MTUS1: variants seen among roughly 807,000 people sequenced by gnomAD.
The protein encoded by MTUS1 is microtubule associated scaffold protein 1.
MTUS1 carries 109 observed loss-of-function variants against 120.8 expected under a neutral mutation model. That is an observed-to-expected ratio of 0.90 (90% CI 0.77 to 1.06). MTUS1 has a LOEUF of 1.06. MTUS1 is among the 50% of genes least tolerant of loss of function. The pLI is 0.00. For synonymous variants in MTUS1, 737 were observed against 550.5 expected (o/e 1.34, Z -4.74); for missense variants, 2,210 against 1,486.3 (o/e 1.49, Z -8.01).
At chr8:17,689,943 A>T (rs1376428513) in intron 6 of MTUS1, among the ~76,000 whole-genome samples, 1 of 152,008 alleles carries the variant, frequency 6.6e-6, no homozygotes. Flanking sequence ...GAACTAGAAA[A>T]AACTCTTCAC....
chr8:17,676,457 C>T (rs748168021), intron 7 of MTUS1: 13 of 635,034 alleles, frequency 2.0e-5, no homozygotes, highest in African/African-American at 9.1e-5. Flanking sequence ...CATTGGCCCT[C>T]GGGCGTCTTA....
chr8:17,728,132 C>T (rs1292151254), intron 3 of MTUS1, among the ~76,000 whole-genome samples: 1 of 152,110 alleles, frequency 6.6e-6, no homozygotes, highest in Admixed American at 6.5e-5. Flanking sequence ...ATGGCGCTTG[C>T]CAGGGGCTGG....
chr8:17,741,557 A>G lies in MTUS1; in HGVS notation c.2287+2047T>C, dbSNP rs566627145. On this transcript the variant is annotated intron_variant, in intron 3 of 14. Coordinates refer to ENST00000693296, the MANE Select transcript of MTUS1 (RefSeq NM_001363059.2). The stretch of plus-strand genomic sequence containing the variant: ...GCTCAAAAGCATGCCCTGTCTTTTC[A>G]CTAAGACTAAACAGATCCACTTTTC... 6.1e-4 allele frequency among the ~76,000 whole-genome samples: 93 copies of G among 152,318 alleles called. 1 individual carries two copies. In the Middle Eastern group the frequency reaches 0.017, roughly 28 times the overall value.
intron 3 of MTUS1, among the ~76,000 whole-genome samples, chr8:17,742,394 C>T (rs1329273476): frequency 6.7e-6 from 1 of 150,136 alleles, no homozygotes; most frequent in Non-Finnish European, 1.5e-5. Flanking sequence ...GGATTTCAGG[C>T]ATAAACCACC....
At chr8:17,669,852 C>CA (rs56711683) in intron 8 of MTUS1, among the ~76,000 whole-genome samples, 72,715 of 151,560 alleles carry the variant, frequency 0.48, 19,909 homozygotes, top group Middle Eastern at 0.69. Context: ...TTCTAAAAAA[C>CA]AAAAAAAACA....
At chr8:17,692,168 T>C (rs898058765) in intron 6 of MTUS1, 1 of 152,204 alleles carries the variant, frequency 6.6e-6, no homozygotes, top group African/African-American at 2.4e-5. Context: ...GTGGCAGATA[T>C]TCCAATAGAG....
At chr8:17,720,409 G>A (rs1007804846) in intron 4 of MTUS1, among the ~76,000 whole-genome samples, 1 of 151,664 alleles carries the variant, frequency 6.6e-6, no homozygotes, top group African/African-American at 2.4e-5. Flanking sequence ...GCCCTTTTCT[G>A]CATGTTACAC....
Position 17,754,480 on chromosome 8 carries a change from G to A in MTUS1, c.1328C>T (p.Ser443Leu). ...ACATTTCTCCGTCGCTTCAATCGGT[G>A]AAACAGAAAAGGTTACTTTTGTGGG... ...LEPTKVTFSVSPIEATEKCKK... is the reference protein window; with the variant it reads ...LEPTKVTFSVLPIEATEKCKK... The change falls in exon 2 of 15, where the codon TCA becomes TTA. Residue 443 changes from serine (S) to leucine (L), a missense_variant. Transcript: ENST00000693296. 2 of 1,614,210 alleles carry A rather than the reference G, an allele frequency of 1.2e-6. No individual in the cohort carries two copies. The highest frequency in any genetic ancestry group is 1.1e-5 in the South Asian group (1 of 91,078).
Position 17,700,467 on chromosome 8 carries a change from CAA to C in MTUS1, c.2623+12745_2623+12746del, listed in dbSNP as rs565414052. Among the ~76,000 whole-genome samples the C allele has an allele frequency of 1.5e-4, 11 of 73,478 alleles. 1 individual carries two copies. Among genetic ancestry groups the C allele is most frequent in the African/African-American group, 5.8e-4 (11 of 18,980 alleles). The allele number at this position is 73,478 out of a possible 152,430, so 48.2% of individuals were successfully genotyped here. On this transcript the variant is annotated intron_variant, in intron 6 of 14. Coordinates refer to ENST00000693296, the MANE Select transcript of MTUS1 (RefSeq NM_001363059.2). ...CCTGGGCAATAAGAGCAAAACTCCT[CAA>C]AAAAAAAAAAAAGATGAGTCTTTAT...
intron 6 of MTUS1, among the ~76,000 whole-genome samples, chr8:17,687,060 T>C (rs1159084681): frequency 6.6e-6 from 1 of 152,228 alleles, no homozygotes; most frequent in Non-Finnish European, 1.5e-5. Flanking sequence ...ACGCAGGGTT[T>C]GTAAGTGATT....
chr8:17,687,261 G>A (rs1217080776), intron 6 of MTUS1, among the ~76,000 whole-genome samples: 2 of 152,132 alleles, frequency 1.3e-5, no homozygotes, highest in East Asian at 1.9e-4. Context: ...AAGTGTGACC[G>A]CATGGCAGCC....
intron 1 of MTUS1, among the ~76,000 whole-genome samples, chr8:17,790,581 A>C (rs1266319354): frequency 6.6e-6 from 1 of 152,232 alleles, no homozygotes; most frequent in Non-Finnish European, 1.5e-5. Flanking sequence ...TTGTGCTACT[A>C]ATCTGAATGG....
intron 8 of MTUS1, among the ~76,000 whole-genome samples, chr8:17,666,882 C>A (rs756708617): frequency 6.6e-6 from 1 of 152,140 alleles, no homozygotes; most frequent in South Asian, 2.1e-4. Flanking sequence ...TTAAAAAAAA[C>A]AAAGTGCAGA....
In MTUS1 at chr8:17,757,172, G is replaced by C. The variant is rs183424267; in HGVS notation, c.-154-1211C>G. On this transcript the variant is annotated intron_variant, in intron 1 of 14. Transcript: ENST00000693296. ...ATGCCCATCAACTGAAGAGCAGAAAGCAAAATGTACTCTTATGCATTTGAC... is the reference window on the plus strand; with the variant it reads ...ATGCCCATCAACTGAAGAGCAGAAACCAAAATGTACTCTTATGCATTTGAC... 2.4e-4 allele frequency among the ~76,000 whole-genome samples: 36 copies of C among 152,254 alleles called. No individual in the cohort carries two copies. The East Asian group carries it at 5.0e-3, about 21-fold the overall frequency.
intron 1 of MTUS1, among the ~76,000 whole-genome samples, chr8:17,771,668 G>T (rs1013565586): frequency 6.6e-6 from 1 of 152,148 alleles, no homozygotes; most frequent in African/African-American, 2.4e-5. Context: ...GGCAGTCTAC[G>T]CATGAAAACA....
chr8:17,783,804 G>C (rs2051080874), intron 1 of MTUS1, among the ~76,000 whole-genome samples: 1 of 152,158 alleles, frequency 6.6e-6, no homozygotes, highest in Non-Finnish European at 1.5e-5. Flanking sequence ...GTAACATGCA[G>C]ACTCCATCCT....
chr8:17,720,914 A>T (rs184852549), intron 4 of MTUS1, among the ~76,000 whole-genome samples: 21 of 152,338 alleles, frequency 1.4e-4, no homozygotes, highest in Non-Finnish European at 2.6e-4. Context: ...TTAAAAGAAC[A>T]CACACAAAGA....
chr8:17,679,918 T>G (rs959821351), intron 7 of MTUS1, among the ~76,000 whole-genome samples: 6 of 152,214 alleles, frequency 3.9e-5, no homozygotes, highest in Non-Finnish European at 8.8e-5. Context: ...ATCCTACATC[T>G]GGAATTCCAT....
chr8:17,722,025 C>A, intron 4 of MTUS1: 1 of 1,387,774 alleles, frequency 7.2e-7, no homozygotes, highest in Admixed American at 3.1e-5. Context: ...AGCTCCAAGG[C>A]ACTACACAAA....
Sources: gnomAD v4.1 joint callset for allele counts (sites outside exome capture counted in the v4.1 genomes callset) on GRCh38, gnomAD v4.1.1 for gene constraint, MANE v1.5 for transcripts, NCBI Gene and HGNC (gene_info 2026-07-23, HGNC 2026-07-21) for gene names.